The following PPP6R3 variants were observed in gnomAD, a reference collection of about 807,000 sequenced individuals.
The protein encoded by PPP6R3 is protein phosphatase 6 regulatory subunit 3.
In PPP6R3, 38 loss-of-function variants were observed where a neutral mutation model predicts 110.7. That is an observed-to-expected ratio of 0.34 (90% confidence interval 0.26 to 0.45). PPP6R3 has a LOEUF of 0.45. Among genes scored for constraint, PPP6R3 ranks in the 20% least tolerant of loss-of-function variants. The pLI, the probability that PPP6R3 is intolerant of heterozygous loss-of-function variation, is 1.00. For synonymous variants in PPP6R3, 369 were observed against 373.5 expected (o/e 0.99, Z 0.14); for missense variants, 870 against 1,062.4 (o/e 0.82, Z 2.52).
chr11:68,528,717 C>G (rs1393513215), intron 2 of PPP6R3, among the ~76,000 whole-genome samples: 1 of 152,186 alleles, frequency 6.6e-6, no homozygotes, highest in Non-Finnish European at 1.5e-5. Context: ...TGTTAATAGA[C>G]ACTTTCCTCC....
chr11:68,531,305 TG>T (rs1365855577), intron 2 of PPP6R3, among the ~76,000 whole-genome samples: 1 of 143,990 alleles, frequency 6.9e-6, no homozygotes, highest in East Asian at 2.0e-4. Flanking sequence ...TCTGAGACTG[TG>T]TTTTATTTAT....
At chr11:68,566,054 A>G (rs2099465191) in intron 9 of PPP6R3, among the ~76,000 whole-genome samples, 1 of 152,128 alleles carries the variant, frequency 6.6e-6, no homozygotes, top group African/African-American at 2.4e-5. Context: ...TTCTGCTTCT[A>G]CTTTTGTGAT....
chr11:68,602,880 C>G (rs1011357792), intron 21 of PPP6R3, among the ~76,000 whole-genome samples: 2 of 152,318 alleles, frequency 1.3e-5, no homozygotes, highest in Non-Finnish European at 1.5e-5. Context: ...AGGCTCATCA[C>G]CTATGTTGGC....
chr11:68,501,649 G>T (rs1208331782), intron 1 of PPP6R3, among the ~76,000 whole-genome samples: 1 of 152,228 alleles, frequency 6.6e-6, no homozygotes, highest in African/African-American at 2.4e-5. Flanking sequence ...CTTAAAATGC[G>T]TGTGTATCCA....
chr11:68,496,187 T>C (rs985573349), intron 1 of PPP6R3, among the ~76,000 whole-genome samples: 38 of 151,968 alleles, frequency 2.5e-4, no homozygotes, highest in South Asian at 1.0e-3. Flanking sequence ...CTTTTCTTTT[T>C]TTTTTTTTGT....
intron 7 of PPP6R3, among the ~76,000 whole-genome samples, chr11:68,555,111 A>G (rs2099394318): frequency 6.6e-6 from 1 of 152,200 alleles, no homozygotes; most frequent in African/African-American, 2.4e-5. Context: ...GCGAAGTGGA[A>G]TTGTGTTTTC....
At chr11:68,567,287 T>C (rs1477361142) in intron 10 of PPP6R3, 121 bp downstream of exon 10, 7 of 1,094,316 alleles carry the variant, frequency 6.4e-6, no homozygotes, top group Non-Finnish European at 7.5e-6. Context: ...TGAGCATAAA[T>C]GGTGTTTTAT....
At chr11:68,477,718 C>CA (rs1302182005) in intron 1 of PPP6R3, among the ~76,000 whole-genome samples, 1 of 93,838 alleles carries the variant, frequency 1.1e-5, no homozygotes, top group Non-Finnish European at 2.1e-5. Context: ...CAGAGAGAGA[C>CA]ATTGTCTCTT....
chr11:68,538,598 G>A (rs1052584792), intron 3 of PPP6R3, among the ~76,000 whole-genome samples: 3 of 152,192 alleles, frequency 2.0e-5, no homozygotes, highest in African/African-American at 4.8e-5. Context: ...GAAGAATTAG[G>A]CTTTTAGTAG....
intron 1 of PPP6R3, among the ~76,000 whole-genome samples, chr11:68,492,828 G>C (rs566386917): frequency 6.6e-6 from 1 of 152,296 alleles, no homozygotes; most frequent in South Asian, 2.1e-4. Flanking sequence ...ATTGTTGGTT[G>C]CTTAAATCTT....
intron 1 of PPP6R3, among the ~76,000 whole-genome samples, chr11:68,480,489 A>AG (rs1190043337): frequency 3.9e-5 from 6 of 152,216 alleles, no homozygotes; most frequent in African/African-American, 1.4e-4. Context: ...ACAAACTTCT[A>AG]GGGTAGGGAT....
intron 14 of PPP6R3, among the ~76,000 whole-genome samples, chr11:68,578,528 T>C (rs2099540697): frequency 6.6e-6 from 1 of 152,246 alleles, no homozygotes; most frequent in Non-Finnish European, 1.5e-5. Context: ...GGTATATTCA[T>C]AGAAGTGGAG....
intron 22 of PPP6R3, among the ~76,000 whole-genome samples, chr11:68,607,197 A>G (rs1940607218): frequency 6.6e-6 from 1 of 152,226 alleles, no homozygotes; most frequent in South Asian, 2.1e-4. Flanking sequence ...AAGGTTCCCA[A>G]ATTGCTTAGA....
At chr11:68,503,934 G>A (rs553975266) in intron 1 of PPP6R3, among the ~76,000 whole-genome samples, 2 of 152,334 alleles carry the variant, frequency 1.3e-5, no homozygotes, top group Non-Finnish European at 2.9e-5. Context: ...GACCAGGTGT[G>A]TGGAAACAGG....
intron 4 of PPP6R3, 25 bp downstream of exon 4, chr11:68,545,049 A>G (rs201723119): frequency 3.2e-4 from 491 of 1,543,326 alleles, no homozygotes; most frequent in Non-Finnish European, 4.2e-4. Flanking sequence ...CCAAAAGGTA[A>G]GTATTAGGGC....
At chr11:68,489,023 C>CT (rs200526605) in intron 1 of PPP6R3, among the ~76,000 whole-genome samples, 2,320 of 140,550 alleles carry the variant, frequency 0.017, 53 homozygotes, top group African/African-American at 0.053. Flanking sequence ...CAGGTTTTGC[C>CT]TTTTTTTTTT....
intron 1 of PPP6R3, among the ~76,000 whole-genome samples, chr11:68,474,530 T>A (rs2098814706): frequency 6.6e-6 from 1 of 152,220 alleles, no homozygotes; most frequent in Non-Finnish European, 1.5e-5. Flanking sequence ...AATTTTCCTT[T>A]TTTTATATCA....
rs762625780 is a variant in PPP6R3, at chr11:68,514,641, G to A, written c.-157-4860G>A. Among the ~76,000 whole-genome samples, 3 of 152,144 alleles carry A rather than the reference G, an allele frequency of 2.0e-5. No individual in the cohort carries two copies. In the South Asian group the frequency reaches 6.2e-4, roughly 32 times the overall value. ...GCTCTGACGCCCAGGCTGGAGTACAGTGGTGTGATCTCGGCTCACTGCAAC... is the reference window on the plus strand; with the variant it reads ...GCTCTGACGCCCAGGCTGGAGTACAATGGTGTGATCTCGGCTCACTGCAAC... On this transcript the variant is annotated intron_variant, in intron 1 of 23. Transcript: ENST00000393800.
chr11:68,517,601 C>T (rs894426417), intron 1 of PPP6R3, among the ~76,000 whole-genome samples: 2 of 152,070 alleles, frequency 1.3e-5, no homozygotes, highest in African/African-American at 2.4e-5. Flanking sequence ...GGAAGGGGCT[C>T]CCACTGGCCA....
Sources: allele counts gnomAD v4.1 joint callset (sites outside exome capture counted in the v4.1 genomes callset), GRCh38; gene constraint gnomAD v4.1.1; transcripts MANE v1.5; gene names NCBI Gene and HGNC (gene_info 2026-07-23, HGNC 2026-07-21).